Variants in STARD8 observed in about 807,000 individuals in gnomAD.
STARD8 encodes the protein stAR-related lipid transfer protein 8.
A neutral mutation model predicts 69.4 loss-of-function variants in STARD8; 25 were observed. That is an observed-to-expected ratio of 0.36 (90% confidence interval 0.26 to 0.50). The LOEUF is 0.50. STARD8 is among the 20% of genes least tolerant of loss of function. The pLI, the probability that STARD8 is intolerant of heterozygous loss-of-function variation, is 0.96. For missense variants in STARD8, 921 were observed against 932.5 expected, an observed-to-expected ratio of 0.99 and a Z score of 0.16; for synonymous variants, 389 against 374.6, an observed-to-expected ratio of 1.04 and a Z score of -0.45.
chrX:68,678,138 T>G (rs1166381819), intron 2 of STARD8, among the ~76,000 whole-genome samples: 1 of 110,447 alleles, frequency 9.1e-6, no homozygotes, highest in African/African-American at 3.3e-5. Flanking sequence ...AGGGTTAAAG[T>G]CAAGGAAACT....
intron 3 of STARD8, among the ~76,000 whole-genome samples, chrX:68,714,102 C>A (rs761018236): frequency 8.9e-6 from 1 of 112,307 alleles, no homozygotes; most frequent in African/African-American, 3.2e-5. Context: ...CACAGCTCAC[C>A]TGGGCTAGTG....
At chrX:68,708,911 C>T (rs185076390) in intron 2 of STARD8, among the ~76,000 whole-genome samples, 1 of 111,501 alleles carries the variant, frequency 9.0e-6, no homozygotes. Flanking sequence ...ATCCTCAGTC[C>T]GGGCCACCTG....
rs370782321 is a variant in STARD8, at chrX:68,720,431, C to T, written c.2049+8C>T. ...AGCCAGTGCCTGGACCAAGTGAGCC[C>T]TCGTGGGGCAGCCTGCCGGGAGATG... On this transcript the variant is annotated splice_region_variant and intron_variant, in intron 8 of 14. Coordinates refer to ENST00000374599, the MANE Select transcript of STARD8 (RefSeq NM_001142503.3). The T allele has an allele frequency of 9.5e-5, 110 of 1,160,505 alleles. No individual in the cohort carries two copies. The highest frequency in any genetic ancestry group is 1.2e-4 in the Non-Finnish European group (104 of 866,951).
chrX:68,716,564 C>G, intron 5 of STARD8, 133 bp downstream of exon 5: 1 of 598,676 alleles, frequency 1.7e-6, no homozygotes, highest in South Asian at 3.4e-5. Context: ...CTTTCCCCAG[C>G]TAGGGGTAGA....
At chrX:68,682,815 A>G (rs757468819) in intron 2 of STARD8, among the ~76,000 whole-genome samples, 3 of 112,724 alleles carry the variant, frequency 2.7e-5, no homozygotes, top group African/African-American at 9.7e-5. Flanking sequence ...GTGTTCTGGG[A>G]ATGCCACCTG....
chrX:68,721,573 C>A lies in STARD8; in HGVS notation c.2286C>A (p.Ala762=). ...ATCAGTGGTTGGCAGCAGCACAAGC[C>A]GCCACCTTGCTGCTCCCCGATGAGA... ...PKDQWLAAAQ[A]ATLLLPDENR... is the part of the protein sequence containing the mutation. Residue 762 remains alanine (A), a synonymous_variant, in exon 10 of 15, where the codon GCC becomes GCA. Transcript: ENST00000374599. 8.3e-7 allele frequency: 1 copy of A among 1,211,965 alleles called. No homozygotes were observed. The highest frequency in any genetic ancestry group is 1.1e-6 in the Non-Finnish European group (1 of 895,590).
At chrX:68,708,326 A>G (rs754673143) in intron 2 of STARD8, among the ~76,000 whole-genome samples, 2 of 112,457 alleles carry the variant, frequency 1.8e-5, no homozygotes, top group South Asian at 7.4e-4. Flanking sequence ...TGCATCTCCC[A>G]GTGAGAAATG....
At position 68,647,693 on chromosome X, in the gene STARD8, C is replaced by A; in HGVS notation, c.-190C>A. Reference sequence around the variant, plus strand: ...TGGCCTTCCAGGAGGCGGGAGGCGCCCGCTGTCGAGGCAGCTGAGCCCCGG... The same window carrying A: ...TGGCCTTCCAGGAGGCGGGAGGCGCACGCTGTCGAGGCAGCTGAGCCCCGG... On this transcript the variant is annotated 5_prime_UTR_variant, in exon 1 of 15. Coordinates refer to ENST00000374599, the MANE Select transcript of STARD8 (RefSeq NM_001142503.3). The A allele has an allele frequency of 4.1e-6, 2 of 490,718 alleles. No individual in the cohort carries two copies. Among genetic ancestry groups the A allele is most frequent in the Non-Finnish European group, 6.5e-6 (2 of 307,503 alleles). 40.4% of individuals were successfully genotyped at this position (490,718 alleles called of 1,213,427 possible).
chrX:68,712,569 A>G (rs2080059261), intron 2 of STARD8, among the ~76,000 whole-genome samples: 2 of 112,514 alleles, frequency 1.8e-5, no homozygotes. Flanking sequence ...GGGGGTGGAC[A>G]CAGCTGTGGC....
intron 9 of STARD8, among the ~76,000 whole-genome samples, 153 bp from the exon 10 acceptor site, chrX:68,721,383 A>G (rs1421019258): frequency 8.9e-6 from 1 of 111,980 alleles, no homozygotes; most frequent in Non-Finnish European, 1.9e-5. Flanking sequence ...AGCTAGATCA[A>G]GCACCCAGAG....
chrX:68,659,730 C>T (rs1476538983), intron 1 of STARD8, among the ~76,000 whole-genome samples: 2 of 111,711 alleles, frequency 1.8e-5, no homozygotes, highest in Non-Finnish European at 3.8e-5. Context: ...CCTGGCCCTA[C>T]TCTTGGCCTG....
At chrX:68,695,049 C>G (rs971158230) in intron 2 of STARD8, among the ~76,000 whole-genome samples, 1 of 110,911 alleles carries the variant, frequency 9.0e-6, no homozygotes, top group Non-Finnish European at 1.9e-5. Flanking sequence ...TCCTCCTGTG[C>G]GACCTGCTCC....
At chrX:68,663,920 G>A (rs1313723988) in intron 1 of STARD8, among the ~76,000 whole-genome samples, 6 of 111,673 alleles carry the variant, frequency 5.4e-5, no homozygotes, top group Non-Finnish European at 9.4e-5. Flanking sequence ...GTGAACACTC[G>A]GGAGGACATC....
intron 2 of STARD8, among the ~76,000 whole-genome samples, chrX:68,673,990 G>A (rs1470454615): frequency 9.0e-6 from 1 of 111,523 alleles, no homozygotes; most frequent in African/African-American, 3.3e-5. Context: ...TTGTGGAATA[G>A]CATAAAAAAT....
rs375495787 is a variant in STARD8, at chrX:68,717,938, C to T, written c.1024C>T (p.Arg342Trp). ...PGRRWGCEGRRGSCGSTGSHA... is the reference protein window; with the variant it reads ...PGRRWGCEGRWGSCGSTGSHA... ...TAGGCGGTGGGGCTGTGAGGGGCGCCGGGGCTCCTGTGGCTCAACGGGCAG... is the reference window on the plus strand; with the variant it reads ...TAGGCGGTGGGGCTGTGAGGGGCGCTGGGGCTCCTGTGGCTCAACGGGCAG... The change falls in exon 6 of 15, where the codon CGG (arginine) becomes TGG (tryptophan). Residue 342 changes from arginine to tryptophan, a missense_variant. Coordinates refer to ENST00000374599, the MANE Select transcript of STARD8 (RefSeq NM_001142503.3). 1.8e-5 allele frequency: 22 copies of T among 1,207,505 alleles called. No homozygotes were observed. The highest frequency in any genetic ancestry group is 5.9e-5 in the East Asian group (2 of 33,661).
intron 2 of STARD8, among the ~76,000 whole-genome samples, chrX:68,677,852 G>A (rs1406610082): frequency 1.5e-5 from 1 of 66,651 alleles, no homozygotes; most frequent in Non-Finnish European, 2.6e-5. Context: ...CCCCCCCAAT[G>A]TATGATACAT....
chrX:68,670,875 A>T (rs990463435), intron 2 of STARD8, among the ~76,000 whole-genome samples: 2 of 111,407 alleles, frequency 1.8e-5, no homozygotes, highest in Non-Finnish European at 3.8e-5. Context: ...GCTGCCATTT[A>T]GTTGTGTGCA....
At chrX:68,676,641 T>TTA (rs887219212) in intron 2 of STARD8, among the ~76,000 whole-genome samples, 5 of 112,021 alleles carry the variant, frequency 4.5e-5, no homozygotes, top group African/African-American at 1.6e-4. Context: ...TATATCTGTC[T>TTA]TATAGCATGA....
chrX:68,724,330 A>C lies in STARD8; in HGVS notation c.3220A>C (p.Lys1074Gln). 1 of 1,210,124 alleles carries C rather than the reference A, an allele frequency of 8.3e-7. No homozygotes were observed. The highest frequency in any genetic ancestry group is 1.1e-6 in the Non-Finnish European group (1 of 894,708). The change falls in exon 15 of 15, where the codon AAA becomes CAA. Residue 1074 changes from lysine to glutamine, a missense_variant. By Grantham distance (53) the Lys-to-Gln change is moderately conservative (BLOSUM62 1). Transcript: ENST00000374599. ...LRGRSPDWYN[K>Q]VFGHLCAMEV... ...GGGCCGTTCTCCTGACTGGTACAAC[A>C]AAGTCTTTGGACACCTGTGTGCCAT... is the stretch of plus-strand genomic sequence containing the variant.
Sources: allele counts gnomAD v4.1 joint callset (sites outside exome capture counted in the v4.1 genomes callset), GRCh38; gene constraint gnomAD v4.1.1; transcripts MANE v1.5; gene names NCBI Gene and HGNC (gene_info 2026-07-23, HGNC 2026-07-21).